Variants in PITPNC1 observed in about 807,000 individuals in gnomAD.
PITPNC1 encodes the protein phosphatidylinositol transfer protein cytoplasmic 1, also known as cytoplasmic phosphatidylinositol transfer protein 1.
In PITPNC1, 18 loss-of-function variants were observed where a neutral mutation model predicts 44.7. The observed-to-expected ratio is 0.40, with a 90% CI of 0.28 to 0.60. PITPNC1 has a LOEUF of 0.60. PITPNC1 is among the 20% of genes least tolerant of loss of function. The probability of loss-of-function intolerance (pLI) is 0.39; values close to 1 mark genes in which losing one functional copy is unlikely to be tolerated. For synonymous variants in PITPNC1, 141 were observed against 149.6 expected (o/e 0.94, Z 0.42); for missense variants, 290 against 418.4 (o/e 0.69, Z 2.68).
intron 4 of PITPNC1, among the ~76,000 whole-genome samples, chr17:67,577,937 T>A (rs2041171881): frequency 6.6e-6 from 1 of 152,166 alleles, no homozygotes; most frequent in African/African-American, 2.4e-5. Context: ...TTGGAAATGT[T>A]CTCTTCAGGG....
chr17:67,538,200 A>G (rs2040555763), intron 2 of PITPNC1, among the ~76,000 whole-genome samples: 1 of 152,174 alleles, frequency 6.6e-6, no homozygotes, highest in African/African-American at 2.4e-5. Flanking sequence ...TAGAGCTGGC[A>G]TAAGAAATTA....
intron 2 of PITPNC1, 150 bp downstream of exon 2, chr17:67,533,100 A>G (rs2040484916): frequency 1.5e-6 from 1 of 655,360 alleles, no homozygotes; most frequent in South Asian, 2.0e-5. Flanking sequence ...ATTGTTTTTG[A>G]AAACAGAATC....
Position 67,695,410 on chromosome 17 carries a change from A to T in PITPNC1, c.*2522A>T, listed in dbSNP as rs2242306. ...ATTGTGGAATACAAGCCTGCAATGG[A>T]TGTATATATACAGAACATTAATAAT... On this transcript the variant is annotated 3_prime_UTR_variant, in exon 9 of 9. Coordinates refer to ENST00000581322, the MANE Select transcript of PITPNC1 (RefSeq NM_012417.4). 2 of 151,998 alleles carry T rather than the reference A, an allele frequency of 1.3e-5. No individual in the cohort carries two copies. Among genetic ancestry groups the T allele is most frequent in the Non-Finnish European group, 2.9e-5 (2 of 68,000 alleles). The allele number at this position is 151,998 out of a possible 1,614,324, so 9.4% of individuals were successfully genotyped here.
chr17:67,404,272 A>C (rs1266812242), intron 1 of PITPNC1, among the ~76,000 whole-genome samples: 1 of 152,228 alleles, frequency 6.6e-6, no homozygotes, highest in South Asian at 2.1e-4. Context: ...ATGACTGTTC[A>C]AGTTAACATT....
Position 67,377,785 on chromosome 17 carries a change from T to G in PITPNC1, c.-370T>G, listed in dbSNP as rs991990757. On this transcript the variant is annotated 5_prime_UTR_variant, in exon 1 of 9. Transcript: ENST00000581322. ...TCGTTTTAATTTTTGGAAATCTCTC[T>G]TTTTTCCTCCCTCGCTCGCTGCCGG... The G allele has an allele frequency of 1.9e-4, 43 of 223,694 alleles. No individual in the cohort carries two copies. The highest frequency in any genetic ancestry group is 2.0e-4 in the Non-Finnish European group (23 of 114,618). 13.9% of individuals were successfully genotyped at this position (223,694 alleles called of 1,614,324 possible).
intron 6 of PITPNC1, among the ~76,000 whole-genome samples, chr17:67,668,233 T>C (rs1000167112): frequency 6.6e-5 from 10 of 152,220 alleles, no homozygotes; most frequent in Admixed American, 6.5e-5. Flanking sequence ...AATCATACAA[T>C]GTATATGCTA....
chr17:67,523,943 C>T (rs2040363007), intron 1 of PITPNC1, among the ~76,000 whole-genome samples: 1 of 151,680 alleles, frequency 6.6e-6, no homozygotes, highest in Non-Finnish European at 1.5e-5. Context: ...TCCTGAGTAC[C>T]TGGGATTACA....
chr17:67,683,046 GCTACTTGGGAGGC>G (rs1432253331), intron 8 of PITPNC1, among the ~76,000 whole-genome samples: 1 of 151,690 alleles, frequency 6.6e-6, no homozygotes, highest in Admixed American at 6.6e-5. Flanking sequence ...TGTAATCCCA[GCTACTTGGGAGGC>G]TAAGGCAGGA....
intron 1 of PITPNC1, among the ~76,000 whole-genome samples, chr17:67,405,637 G>A (rs963401303): frequency 6.1e-5 from 9 of 146,374 alleles, no homozygotes; most frequent in Admixed American, 1.4e-4. Flanking sequence ...ACAGGGTCTC[G>A]CTCTGTCGCC....
chr17:67,657,698 C>A (rs2042288508), intron 6 of PITPNC1, among the ~76,000 whole-genome samples: 1 of 152,090 alleles, frequency 6.6e-6, no homozygotes, highest in Non-Finnish European at 1.5e-5. Context: ...ATCCTTTTTC[C>A]AAAACTTTAT....
chr17:67,449,145 C>G (rs1209561797), intron 1 of PITPNC1, among the ~76,000 whole-genome samples: 3 of 152,204 alleles, frequency 2.0e-5, no homozygotes, highest in Non-Finnish European at 2.9e-5. Flanking sequence ...TTCTTTTTCC[C>G]TGTCACTTGA....
At chr17:67,483,919 T>C (rs1050549430) in intron 1 of PITPNC1, among the ~76,000 whole-genome samples, 5 of 89,378 alleles carry the variant, frequency 5.6e-5, no homozygotes, top group African/African-American at 2.3e-4. Flanking sequence ...GTTTTCTTTC[T>C]TTTTTTTTTT....
At chr17:67,545,098 G>A (rs946238826) in intron 2 of PITPNC1, among the ~76,000 whole-genome samples, 16 of 151,882 alleles carry the variant, frequency 1.1e-4, no homozygotes, top group Non-Finnish European at 1.5e-5. Context: ...GATCCCTTGA[G>A]GCCAGGAGTT....
In PITPNC1 at chr17:67,519,396, C is replaced by T. The variant is rs553659907; in HGVS notation, c.49-13406C>T. The stretch of plus-strand genomic sequence containing the variant: ...TTCACCATGTTGGCCAGGCTGTTCT[C>T]GAACTCCTGACCTCAAGTAATCCTC... On this transcript the variant is annotated intron_variant, in intron 1 of 8. Coordinates refer to ENST00000581322, the MANE Select transcript of PITPNC1 (RefSeq NM_012417.4). Among the ~76,000 whole-genome samples the T allele has an allele frequency of 1.7e-4, 26 of 152,116 alleles. No homozygotes were observed. The East Asian group carries it at 3.9e-3, about 23-fold the overall frequency.
At chr17:67,384,978 G>A (rs1166213043) in intron 1 of PITPNC1, among the ~76,000 whole-genome samples, 1 of 152,118 alleles carries the variant, frequency 6.6e-6, no homozygotes, top group Non-Finnish European at 1.5e-5. Context: ...TCTCAAGAAC[G>A]AGCACAATTT....
chr17:67,378,237 C>T (rs2037901169), intron 1 of PITPNC1, 35 bp downstream of exon 1: 1 of 1,398,454 alleles, frequency 7.2e-7, no homozygotes. Context: ...TCGCCCGCTC[C>T]GGGACCCCCG....
chr17:67,561,792 C>T (rs896220113), intron 4 of PITPNC1, among the ~76,000 whole-genome samples: 3 of 152,148 alleles, frequency 2.0e-5, no homozygotes, highest in East Asian at 1.9e-4. Flanking sequence ...GGCAGGTTTT[C>T]GCTATGTTGC....
intron 6 of PITPNC1, among the ~76,000 whole-genome samples, chr17:67,634,794 T>A (rs1325889495): frequency 6.6e-6 from 1 of 152,166 alleles, no homozygotes; most frequent in African/African-American, 2.4e-5. Context: ...GCCTCACGCC[T>A]GTAATCCCAG....
intron 5 of PITPNC1, among the ~76,000 whole-genome samples, chr17:67,617,803 C>A (rs941848967): frequency 6.6e-6 from 1 of 152,040 alleles, no homozygotes; most frequent in Admixed American, 6.6e-5. Context: ...TATCTGTGTC[C>A]TCTCCTCTTC....
Sources: gnomAD v4.1 joint callset for allele counts (sites outside exome capture counted in the v4.1 genomes callset) on GRCh38, gnomAD v4.1.1 for gene constraint, MANE v1.5 for transcripts, NCBI Gene and HGNC (gene_info 2026-07-23, HGNC 2026-07-21) for gene names.